The following NRXN3 variants were observed in gnomAD, a reference collection of about 807,000 sequenced individuals.
NRXN3 encodes neurexin III.
Under a neutral mutation model 137.6 loss-of-function variants are expected in NRXN3, and 32 were observed. The ratio of observed to expected loss-of-function variants is 0.23; its 90% confidence interval spans 0.18 to 0.31. NRXN3 has a LOEUF of 0.31. Among genes scored for constraint, NRXN3 ranks in the 10% least tolerant of loss-of-function variants. NRXN3 has a pLI of 1.00. For synonymous variants in NRXN3, 798 were observed against 784.5 expected (o/e 1.02, Z -0.29); for missense variants, 1,574 against 2,062.5 (o/e 0.76, Z 4.59).
chr14:78,409,357 C>G (rs1279050930), intron 4 of NRXN3, among the ~76,000 whole-genome samples: 1 of 152,202 alleles, frequency 6.6e-6, no homozygotes, highest in Non-Finnish European at 1.5e-5. Flanking sequence ...TGTTAAGTGT[C>G]TTGCCTGAAG....
Position 78,437,873 on chromosome 14 carries a change from G to A in NRXN3, c.757+140013G>A, listed in dbSNP as rs549276795. On this transcript the variant is annotated intron_variant, in intron 4 of 20. Coordinates refer to ENST00000335750, the MANE Select transcript of NRXN3 (RefSeq NM_001330195.2). ...TCAATTAAAAAATTTAACGGTAAGA[G>A]AAGTAGAAGGAGAGACCAGGTTTTC... Among the ~76,000 whole-genome samples, 4 of 152,288 alleles carry A rather than the reference G, an allele frequency of 2.6e-5. No homozygotes were observed. In the South Asian group the frequency reaches 6.2e-4, roughly 24 times the overall value.
chr14:79,512,786 A>G (rs1191435963), intron 16 of NRXN3, among the ~76,000 whole-genome samples: 1 of 152,044 alleles, frequency 6.6e-6, no homozygotes, highest in Non-Finnish European at 1.5e-5. Flanking sequence ...ACCTCCATTT[A>G]CTCCACAGTC....
At chr14:79,782,050 C>T (rs899448219) in intron 19 of NRXN3, among the ~76,000 whole-genome samples, 3 of 152,170 alleles carry the variant, frequency 2.0e-5, no homozygotes, top group Non-Finnish European at 2.9e-5. Context: ...AGCTGACAAC[C>T]TTTGGATTCT....
chr14:78,500,459 C>T (rs2153773258), intron 4 of NRXN3, among the ~76,000 whole-genome samples: 1 of 152,138 alleles, frequency 6.6e-6, no homozygotes, highest in Non-Finnish European at 1.5e-5. Flanking sequence ...TTAGGGAGCT[C>T]CTATTTAAAG....
rs151270476 is a variant in NRXN3 at position 78,616,525 on chromosome 14, C to T, written c.758-28595C>T. Among the ~76,000 whole-genome samples, 111 of 152,306 alleles carry T rather than the reference C, an allele frequency of 7.3e-4. 1 individual carries two copies. The highest frequency in any genetic ancestry group is 2.5e-3 in the African/African-American group (106 of 41,578). The stretch of plus-strand genomic sequence containing the variant: ...GAGTTTTTAGCACGATTCAAAGTTA[C>T]GTCCATCTGTAGGCTTTTCTTTGTT... On this transcript the variant is annotated intron_variant, in intron 4 of 20. Transcript: ENST00000335750.
At chr14:79,101,933 A>G (rs2051379252) in intron 15 of NRXN3, among the ~76,000 whole-genome samples, 1 of 152,158 alleles carries the variant, frequency 6.6e-6, no homozygotes. Context: ...ATATGGACAC[A>G]CACAGGGAAA....
chr14:79,092,644 C>T (rs763421705), intron 15 of NRXN3, among the ~76,000 whole-genome samples: 1 of 152,182 alleles, frequency 6.6e-6, no homozygotes, highest in South Asian at 2.1e-4. Context: ...TTTGCTGAAG[C>T]TTCTTTCTCA....
chr14:78,765,955 T>C (rs867010906), intron 8 of NRXN3, among the ~76,000 whole-genome samples: 4 of 152,170 alleles, frequency 2.6e-5, no homozygotes, highest in South Asian at 2.1e-4. Context: ...AGTTTGTGAC[T>C]GTGCCCTGGA....
Position 79,861,013 on chromosome 14 carries a change from GT to G in NRXN3, c.4094-324del, listed in dbSNP as rs1405837585. 3.0e-6 allele frequency: 4 copies of G among 1,349,128 alleles called. No homozygotes were observed. The highest frequency in any genetic ancestry group is 2.9e-5 in the African/African-American group (2 of 68,124). The allele number at this position is 1,349,128 out of a possible 1,614,324, so 83.6% of individuals were successfully genotyped here. ...AGAGTTGTTTACAAATATACTAATT[GT>G]TTTTCTTTTTCTTTTCCATCCCAGG... On this transcript the variant is annotated intron_variant, in intron 20 of 20. Transcript: ENST00000335750. The surrounding 1 kb of genome is among the most constrained non-coding windows in gnomAD (Gnocchi z 5.4).
chr14:78,753,225 G>A (rs796902426), intron 8 of NRXN3, among the ~76,000 whole-genome samples: 19 of 152,266 alleles, frequency 1.2e-4, no homozygotes, highest in African/African-American at 4.3e-4. Context: ...GAAGTTCCAT[G>A]TCTCAAGCAC....
At chr14:79,023,291 G>C (rs1420620199) in intron 15 of NRXN3, among the ~76,000 whole-genome samples, 1 of 151,900 alleles carries the variant, frequency 6.6e-6, no homozygotes. Flanking sequence ...TAATATTCAG[G>C]GTACTGGGGA....
chr14:78,688,185 T>C (rs1309277371), intron 6 of NRXN3, among the ~76,000 whole-genome samples: 1 of 152,184 alleles, frequency 6.6e-6, no homozygotes, highest in Non-Finnish European at 1.5e-5. Flanking sequence ...AGGTACCTGT[T>C]GAGAACCCTC....
At chr14:79,133,215 G>T (rs1034227941) in intron 15 of NRXN3, among the ~76,000 whole-genome samples, 2 of 152,194 alleles carry the variant, frequency 1.3e-5, no homozygotes, top group Non-Finnish European at 2.9e-5. Flanking sequence ...AGATGCATTG[G>T]CTAATACCTG....
chr14:78,290,908 T>G (rs1459761525), intron 3 of NRXN3, among the ~76,000 whole-genome samples: 2 of 152,080 alleles, frequency 1.3e-5, no homozygotes, highest in African/African-American at 4.8e-5. Flanking sequence ...ATGTTTAAAT[T>G]TGCGTTTTAA....
At chr14:79,442,242 GTTC>G (rs1422899460) in intron 15 of NRXN3, among the ~76,000 whole-genome samples, 3 of 152,158 alleles carry the variant, frequency 2.0e-5, no homozygotes, top group African/African-American at 7.2e-5. Context: ...TCTGTCTGGT[GTTC>G]TTAACAGCCT....
intron 6 of NRXN3, among the ~76,000 whole-genome samples, chr14:78,681,350 G>A (rs1249873216): frequency 1.3e-5 from 2 of 152,124 alleles, no homozygotes; most frequent in Non-Finnish European, 2.9e-5. Flanking sequence ...TTTGCAAAAT[G>A]TTCTTGAAAA....
intron 4 of NRXN3, among the ~76,000 whole-genome samples, chr14:78,615,632 A>C (rs2097340531): frequency 6.6e-6 from 1 of 151,458 alleles, no homozygotes; most frequent in South Asian, 2.1e-4. Context: ...CAACAACAAT[A>C]ACCAAAAAAA....
At chr14:79,657,734 GT>G (rs2098513194) in intron 16 of NRXN3, among the ~76,000 whole-genome samples, 1 of 152,254 alleles carries the variant, frequency 6.6e-6, no homozygotes, top group Middle Eastern at 3.4e-3. Flanking sequence ...GTTAGTCAAA[GT>G]CAAAATTGAT....
chr14:79,119,482 A>G (rs1341880628), intron 15 of NRXN3, among the ~76,000 whole-genome samples: 1 of 152,242 alleles, frequency 6.6e-6, no homozygotes, highest in Non-Finnish European at 1.5e-5. Context: ...TGGTGAGATT[A>G]TATGATCCTT....
Sources: gnomAD v4.1 joint callset for allele counts (sites outside exome capture counted in the v4.1 genomes callset) on GRCh38, gnomAD v4.1.1 for gene constraint, Gnocchi (gnomAD v3.1) non-coding constraint, MANE v1.5 for transcripts, NCBI Gene and HGNC (gene_info 2026-07-23, HGNC 2026-07-21) for gene names.